The following GRB14 variants were observed in gnomAD, a reference collection of about 807,000 sequenced individuals.
GRB14 encodes the protein growth factor receptor-bound protein 14.
A neutral mutation model predicts 69.1 loss-of-function variants in GRB14; 38 were observed. The ratio of observed to expected loss-of-function variants is 0.55; its 90% CI spans 0.42 to 0.72. GRB14 has a LOEUF of 0.72. GRB14 is among the 30% of genes least tolerant of loss of function. The pLI, the probability that GRB14 is intolerant of heterozygous loss-of-function variation, is 0.00. For synonymous variants in GRB14, 247 were observed against 241.3 expected, an observed-to-expected ratio of 1.02 and a Z score of -0.22; for missense variants, 666 against 666.1, an observed-to-expected ratio of 1.00 and a Z score of 0.00.
At chr2:164,604,419 C>T (rs6707546) in intron 2 of GRB14, among the ~76,000 whole-genome samples, 3,721 of 151,930 alleles carry the variant, frequency 0.024, 169 homozygotes, top group African/African-American at 0.082. Flanking sequence ...AAATGTCAAA[C>T]GAAAACAAGT....
intron 2 of GRB14, among the ~76,000 whole-genome samples, chr2:164,565,079 G>A (rs966732329): frequency 6.6e-6 from 1 of 152,118 alleles, no homozygotes; most frequent in Non-Finnish European, 1.5e-5. Flanking sequence ...AAATATGCCT[G>A]ACCCACCGAA....
intron 2 of GRB14, among the ~76,000 whole-genome samples, chr2:164,609,429 G>A (rs138318299): frequency 4.6e-5 from 7 of 152,180 alleles, no homozygotes; most frequent in South Asian, 2.1e-4. Context: ...TTGTTTCCAC[G>A]GGCTCTCCCC....
At position 164,619,775 on chromosome 2, in the gene GRB14, G is replaced by C; in HGVS notation, c.236C>G (p.Pro79Arg). ...DLDVPEMPSIPNPFPELCCSP... is the reference protein window; with the variant it reads ...DLDVPEMPSIRNPFPELCCSP... ...ACAGCATAGCTCAGGAAAAGGGTTT[G>C]GAATAGATGGCATTTCCGGAACATC... The change falls in exon 2 of 14, where the codon CCA (proline) becomes CGA (arginine). Residue 79 changes from proline (P) to arginine (R), a missense_variant. Physicochemically the swap from Pro to Arg is moderately radical, Grantham distance 103 (BLOSUM62 -2). Transcript: ENST00000263915. 1 of 1,610,666 alleles carries C rather than the reference G, an allele frequency of 6.2e-7. No homozygotes were observed. Among genetic ancestry groups the C allele is most frequent in the Non-Finnish European group, 8.5e-7 (1 of 1,177,522 alleles).
intron 6 of GRB14, among the ~76,000 whole-genome samples, chr2:164,512,772 G>C (rs1687373312): frequency 6.6e-6 from 1 of 152,150 alleles, no homozygotes; most frequent in African/African-American, 2.4e-5. Context: ...GAAAATATGG[G>C]AAAAAGTCAG....
intron 9 of GRB14, among the ~76,000 whole-genome samples, chr2:164,499,034 C>T (rs1209249375): frequency 1.3e-5 from 2 of 152,108 alleles, no homozygotes; most frequent in Non-Finnish European, 2.9e-5. Flanking sequence ...GGTCTGTAGA[C>T]CAGTCAGATA....
intron 3 of GRB14, among the ~76,000 whole-genome samples, chr2:164,527,410 C>CT (rs1387645344): frequency 6.6e-6 from 1 of 151,368 alleles, no homozygotes; most frequent in African/African-American, 2.4e-5. Context: ...TCATAATGTA[C>CT]TTTTTGTTAT....
intron 2 of GRB14, among the ~76,000 whole-genome samples, chr2:164,595,772 TTGG>T (rs1318125883): frequency 6.6e-6 from 1 of 152,072 alleles, no homozygotes; most frequent in Non-Finnish European, 1.5e-5. Flanking sequence ...GGCAGAACAG[TTGG>T]TGGCACTTAG....
intron 3 of GRB14, among the ~76,000 whole-genome samples, chr2:164,528,738 A>G (rs1687846797): frequency 6.6e-6 from 1 of 152,042 alleles, no homozygotes; most frequent in South Asian, 2.1e-4. Context: ...CTCTTCAACC[A>G]TCTAATTTGT....
At chr2:164,575,521 C>G in intron 2 of GRB14, among the ~76,000 whole-genome samples, 1 of 151,870 alleles carries the variant, frequency 6.6e-6, no homozygotes. Context: ...TAAAATTTTT[C>G]AAAAAGATGA....
intron 2 of GRB14, among the ~76,000 whole-genome samples, chr2:164,591,693 T>G (rs556129788): frequency 8.5e-5 from 13 of 152,300 alleles, no homozygotes; most frequent in African/African-American, 2.6e-4. Flanking sequence ...AACTATTTCT[T>G]GAGCCTACTG....
intron 2 of GRB14, among the ~76,000 whole-genome samples, chr2:164,609,001 T>G (rs1443842848): frequency 2.0e-5 from 3 of 152,200 alleles, no homozygotes; most frequent in Non-Finnish European, 4.4e-5. Context: ...ACACAAAATT[T>G]GAAAGAAATC....
At chr2:164,498,248 C>CTGA (rs1294226463) in intron 9 of GRB14, among the ~76,000 whole-genome samples, 1 of 152,064 alleles carries the variant, frequency 6.6e-6, no homozygotes, top group East Asian at 1.9e-4. Flanking sequence ...TGAATAAGAA[C>CTGA]TGATAGAAGG....
Position 164,598,943 on chromosome 2 carries a change from G to A in GRB14, c.324+20744C>T, listed in dbSNP as rs186354689. On this transcript the variant is annotated intron_variant, in intron 2 of 13. Coordinates refer to ENST00000263915, the MANE Select transcript of GRB14 (RefSeq NM_004490.3). The stretch of plus-strand genomic sequence containing the variant: ...CAAAACAGTGTCTTAAAACAATAAC[G>A]CTTACGTTACATCTCATGACTTTGT... Among the ~76,000 whole-genome samples, 170 of 152,144 alleles carry A rather than the reference G, an allele frequency of 1.1e-3. 1 individual carries two copies. Among genetic ancestry groups the A allele is most frequent in the African/African-American group, 4.0e-3 (166 of 41,460 alleles).
At chr2:164,564,543 T>C (rs957985990) in intron 2 of GRB14, among the ~76,000 whole-genome samples, 1 of 152,184 alleles carries the variant, frequency 6.6e-6, no homozygotes, top group African/African-American at 2.4e-5. Context: ...TGCTCCGTAT[T>C]ACACTCATGA....
chr2:164,547,590 T>C, intron 3 of GRB14, 70 bp downstream of exon 3: 1 of 1,176,106 alleles, frequency 8.5e-7, no homozygotes, highest in Non-Finnish European at 1.2e-6. Context: ...TAAGAATTAT[T>C]GGTGTTCAAG....
chr2:164,578,450 T>C (rs1242850908), intron 2 of GRB14, among the ~76,000 whole-genome samples: 1 of 147,730 alleles, frequency 6.8e-6, no homozygotes, highest in Non-Finnish European at 1.5e-5. Flanking sequence ...AAAGCATTCT[T>C]TAAAAATGAA....
intron 3 of GRB14, 41 bp from the exon 4 acceptor site, chr2:164,527,176 A>AATATATATATATATATATATAT (rs57531034): frequency 4.1e-6 from 1 of 242,328 alleles, no homozygotes; most frequent in Non-Finnish European, 7.5e-6. Flanking sequence ...CAGATAGACA[A>AATATATATATATATATATATAT]ATATATATAT....
intron 2 of GRB14, among the ~76,000 whole-genome samples, chr2:164,602,634 C>G (rs116080192): frequency 7.9e-5 from 12 of 152,296 alleles, no homozygotes; most frequent in African/African-American, 1.2e-4. Context: ...GAATCCTACT[C>G]TAGGTGAGAG....
At chr2:164,583,841 G>C (rs148144497) in intron 2 of GRB14, among the ~76,000 whole-genome samples, 1 of 152,084 alleles carries the variant, frequency 6.6e-6, no homozygotes, top group Non-Finnish European at 1.5e-5. Flanking sequence ...GGAAAAGTTC[G>C]ATGAAATTGG....
Sources: allele counts gnomAD v4.1 joint callset (sites outside exome capture counted in the v4.1 genomes callset), GRCh38; gene constraint gnomAD v4.1.1; transcripts MANE v1.5; gene names NCBI Gene and HGNC (gene_info 2026-07-23, HGNC 2026-07-21).